The following PCDHGA7 variants were observed in gnomAD, a reference collection of about 807,000 sequenced individuals.
The protein encoded by PCDHGA7 is protocadherin gamma-A7.
Under a neutral mutation model 58.3 loss-of-function variants are expected in PCDHGA7, and 44 were observed. The observed-to-expected ratio is 0.75, with a 90% CI of 0.59 to 0.97. The LOEUF (loss-of-function observed/expected upper bound fraction) is 0.97, where lower values mean the gene tolerates loss of function less well. PCDHGA7 is among the 50% of genes least tolerant of loss of function. PCDHGA7 has a pLI of 0.00. For synonymous variants in PCDHGA7, 516 were observed against 504.2 expected (o/e 1.02, Z -0.31); for missense variants, 1,266 against 1,188.7 (o/e 1.06, Z -0.96).
At chr5:141,437,863 G>A (rs2097915247) in intron 1 of PCDHGA7, among the ~76,000 whole-genome samples, 2 of 151,480 alleles carry the variant, frequency 1.3e-5, no homozygotes, top group African/African-American at 2.4e-5. Context: ...TTAGCCTCCC[G>A]AGTAGCTGGG....
intron 1 of PCDHGA7, chr5:141,398,512 C>G: frequency 1.3e-6 from 2 of 1,588,756 alleles, no homozygotes; most frequent in Non-Finnish European, 1.7e-6. Context: ...CATTAATGAC[C>G]ACACGCCAAA....
chr5:141,388,662 A>G, intron 1 of PCDHGA7: 1 of 1,613,954 alleles, frequency 6.2e-7, no homozygotes, highest in African/African-American at 1.3e-5. Flanking sequence ...CCCGGGGACC[A>G]CGGTGCTACA....
intron 1 of PCDHGA7, among the ~76,000 whole-genome samples, chr5:141,439,406 C>T (rs2098110611): frequency 6.6e-6 from 1 of 152,190 alleles, no homozygotes; most frequent in Non-Finnish European, 1.5e-5. Flanking sequence ...CATGTGCTAA[C>T]ATCACTGAGG....
At chr5:141,409,109 A>G in intron 1 of PCDHGA7, 1 of 1,614,028 alleles carries the variant, frequency 6.2e-7, no homozygotes, top group Non-Finnish European at 8.5e-7. Context: ...TATGATTAAG[A>G]ATAACCAGTC....
In PCDHGA7 at chr5:141,394,824, G is replaced by C. The variant is rs200702899; in HGVS notation, c.2424+9501G>C. The C allele has an allele frequency of 8.2e-4, 1,326 of 1,613,856 alleles. 15 individuals are homozygous for C. The highest frequency in any genetic ancestry group is 9.3e-4 in the Admixed American group (56 of 60,030). ...AGCCGTGGCTGACAGCATCCCCGAA[G>C]TCCTGACCGAGTTGGGCAGTCTGAA... On this transcript the variant is annotated intron_variant, in intron 1 of 3. Transcript: ENST00000518325.
rs2099883762 is a variant in PCDHGA7, at chr5:141,511,396, C to T, written c.*223C>T. 9.8e-7 allele frequency: 1 copy of T among 1,016,834 alleles called. No homozygotes were observed. Among genetic ancestry groups the T allele is most frequent in the South Asian group, 1.7e-5 (1 of 58,996 alleles). The allele number at this position is 1,016,834 out of a possible 1,614,324, so 63.0% of individuals were successfully genotyped here. ...AAGCAGTTCCGCTGGGAACCCCCAT[C>T]CAATCAACTGCTGTACCCATGGGGG... On this transcript the variant is annotated 3_prime_UTR_variant, in exon 4 of 4. Coordinates refer to ENST00000518325, the MANE Select transcript of PCDHGA7 (RefSeq NM_018920.4).
At chr5:141,422,280 C>G (rs748287385) in intron 1 of PCDHGA7, 9 of 1,557,754 alleles carry the variant, frequency 5.8e-6, no homozygotes, top group Non-Finnish European at 7.8e-6. Flanking sequence ...TAACTATCAC[C>G]TCTTCTATTA....
At chr5:141,390,674 T>C (rs1389887545) in intron 1 of PCDHGA7, 1 of 189,116 alleles carries the variant, frequency 5.3e-6, no homozygotes, top group East Asian at 1.5e-4. Flanking sequence ...ATAAAAATAA[T>C]AAAGCCAAAG....
At chr5:141,399,194 C>G in intron 1 of PCDHGA7, 1 of 1,613,838 alleles carries the variant, frequency 6.2e-7, no homozygotes, top group Non-Finnish European at 8.5e-7. Context: ...CTGGAAAACG[C>G]GGTGCCTGGA....
intron 1 of PCDHGA7, among the ~76,000 whole-genome samples, chr5:141,445,077 T>C (rs778919022): frequency 5.9e-5 from 9 of 152,242 alleles, no homozygotes; most frequent in Non-Finnish European, 1.2e-4. Flanking sequence ...CTCATTAAAT[T>C]GTCCCTACAT....
intron 1 of PCDHGA7, among the ~76,000 whole-genome samples, chr5:141,481,241 A>C (rs557107835): frequency 2.0e-5 from 3 of 152,350 alleles, no homozygotes; most frequent in South Asian, 2.1e-4. Flanking sequence ...AGTATTACAT[A>C]GCATAGCTCT....
rs1384790784 is a variant in PCDHGA7, at chr5:141,431,800, G to T, written c.2424+46477G>T. 1 of 1,614,206 alleles carries T rather than the reference G, an allele frequency of 6.2e-7. No individual in the cohort carries two copies. Among genetic ancestry groups the T allele is most frequent in the African/African-American group, 1.3e-5 (1 of 75,054 alleles). ...ACGTGAACGACAATGCCCCAGAAGT[G>T]GTCCTCACCTCTCTCGCCAGCTCGG... On this transcript the variant is annotated intron_variant, in intron 1 of 3. Transcript: ENST00000518325. This position sits in a 1 kb window ranked among gnomAD's most constrained non-coding sequence, Gnocchi z 4.8.
At chr5:141,503,620 A>C (rs1475731896) in intron 2 of PCDHGA7, among the ~76,000 whole-genome samples, 1 of 152,026 alleles carries the variant, frequency 6.6e-6, no homozygotes, top group East Asian at 1.9e-4. Flanking sequence ...AAAAAGAAAA[A>C]AGAAAAGAAA....
intron 1 of PCDHGA7, among the ~76,000 whole-genome samples, chr5:141,457,187 G>A (rs1314148733): frequency 1.3e-5 from 2 of 152,210 alleles, no homozygotes; most frequent in Admixed American, 1.3e-4. Flanking sequence ...ATAGTAGAGT[G>A]AGGAAAGCAG....
intron 1 of PCDHGA7, 35 bp downstream of exon 1, chr5:141,385,358 T>G: frequency 6.5e-7 from 1 of 1,546,418 alleles, no homozygotes; most frequent in South Asian, 1.3e-5. Context: ...CCATGAGGAA[T>G]TTATTTGCAT....
At chr5:141,403,350 TC>T in intron 1 of PCDHGA7, 2 of 1,613,994 alleles carry the variant, frequency 1.2e-6, no homozygotes, top group Non-Finnish European at 1.7e-6. Flanking sequence ...GCCCCAAAGT[TC>T]CAGGCCGAAA....
intron 1 of PCDHGA7, chr5:141,422,140 C>CG (rs1369033587): frequency 6.3e-7 from 1 of 1,586,656 alleles, no homozygotes; most frequent in Non-Finnish European, 8.5e-7. Context: ...AGTTCAAGTA[C>CG]GGGGGTCTCT....
intron 1 of PCDHGA7, chr5:141,410,134 C>G (rs573769764): frequency 6.2e-7 from 1 of 1,612,766 alleles, no homozygotes; most frequent in Admixed American, 1.7e-5. Context: ...GCCTGCTGGT[C>G]GCTGTGCGTG....
intron 1 of PCDHGA7, chr5:141,391,083 G>C (rs974357992): frequency 1.3e-5 from 2 of 152,152 alleles, no homozygotes; most frequent in Non-Finnish European, 2.9e-5. Flanking sequence ...ATGTGTAACT[G>C]CCTTATCTGC....
Sources: allele counts gnomAD v4.1 joint callset (sites outside exome capture counted in the v4.1 genomes callset), GRCh38; gene constraint gnomAD v4.1.1; non-coding constraint Gnocchi (gnomAD v3.1); transcripts MANE v1.5; gene names NCBI Gene and HGNC (gene_info 2026-07-23, HGNC 2026-07-21).